Variants in VPS13C observed in about 807,000 individuals in gnomAD.
The protein encoded by VPS13C is intermembrane lipid transfer protein VPS13C.
Under a neutral mutation model 456.8 loss-of-function variants are expected in VPS13C, and 358 were observed. The ratio of observed to expected loss-of-function variants is 0.78; its 90% CI spans 0.72 to 0.86. The LOEUF is 0.86. VPS13C is among the 40% of genes least tolerant of loss of function. The probability of loss-of-function intolerance (pLI) is 0.00; values close to 1 mark genes in which losing one functional copy is unlikely to be tolerated. For missense variants in VPS13C, 4,818 were observed against 4,385.4 expected (o/e 1.10, Z -2.79); for synonymous variants, 1,578 against 1,486.7 (o/e 1.06, Z -1.41).
chr15:61,965,282 C>T (rs150058265), intron 30 of VPS13C, among the ~76,000 whole-genome samples: 5 of 151,870 alleles, frequency 3.3e-5, no homozygotes, highest in African/African-American at 7.2e-5. Context: ...AGGTGGCATC[C>T]GTGAAATTTA....
intron 14 of VPS13C, 60 bp downstream of exon 14, chr15:62,008,593 TGA>T (rs1371535597): frequency 3.3e-6 from 4 of 1,214,344 alleles, no homozygotes; most frequent in Non-Finnish European, 4.5e-6. Context: ...TGCTTAACTC[TGA>T]GAGTAACTAA....
rs548831455 is a variant in VPS13C, at chr15:61,910,191, T to G, written c.8830A>C (p.Ser2944Arg). The G allele has an allele frequency of 7.1e-7, 1 of 1,405,852 alleles. No individual in the cohort carries two copies. The highest frequency in any genetic ancestry group is 1.5e-5 in the African/African-American group (1 of 68,310). The allele number at this position is 1,405,852 out of a possible 1,614,324, so 87.1% of individuals were successfully genotyped here. Residue 2944 changes from serine to arginine, a missense_variant, in exon 64 of 85, where the codon AGC (serine) becomes CGC (arginine). By Grantham distance (110) the Ser-to-Arg change is moderately radical. Around this residue, in one of 3 missense-constraint regions of VPS13C, gnomAD observed 4,552 missense variants for 4,130.6 expected, o/e 1.10. Transcript: ENST00000644861. ...TGAAAACTTACCAGATCTTCTAAGC[T>G]CAATAAAGTGCCATTATCCTGTCGG... ...YNRQDNGTLL[S>R]LEDLNGGILV...
chr15:61,918,326 A>C, intron 58 of VPS13C, 69 bp from the exon 59 acceptor site: 1 of 1,352,298 alleles, frequency 7.4e-7, no homozygotes, highest in Non-Finnish European at 9.9e-7. Context: ...TGAGAGCCAC[A>C]AACAAATACT....
intron 18 of VPS13C, among the ~76,000 whole-genome samples, chr15:61,985,705 T>C (rs926482074): frequency 6.6e-6 from 1 of 152,210 alleles, no homozygotes; most frequent in African/African-American, 2.4e-5. Flanking sequence ...GAACATCTGC[T>C]TGATTTCTGT....
chr15:61,905,476 C>T (rs1266674239), intron 66 of VPS13C, among the ~76,000 whole-genome samples: 3 of 152,060 alleles, frequency 2.0e-5, no homozygotes, highest in African/African-American at 7.2e-5. Context: ...CATTTACTGA[C>T]ATAACTGATG....
intron 66 of VPS13C, among the ~76,000 whole-genome samples, chr15:61,895,273 A>G (rs560038906): frequency 1.3e-5 from 2 of 152,274 alleles, no homozygotes; most frequent in South Asian, 2.1e-4. Flanking sequence ...AAGATTTCAA[A>G]TAAACAACCT....
chr15:62,039,411 A>G (rs1205883430), intron 3 of VPS13C, among the ~76,000 whole-genome samples: 1 of 152,134 alleles, frequency 6.6e-6, no homozygotes, highest in Non-Finnish European at 1.5e-5. Flanking sequence ...AATATGCATA[A>G]TAGCCTTTAC....
In VPS13C at chr15:61,934,260, C is replaced by G; in HGVS notation, c.5827G>C (p.Glu1943Gln). Reference protein sequence around the residue: ...IVSLQFDFHFESLSIILYNND... With the variant: ...IVSLQFDFHFQSLSIILYNND... ...TTATAAAGGATAATGGAAAGAGATTCAAAGTGAAAGTCAAATTGGAGACTG... is the reference window on the plus strand; with the variant it reads ...TTATAAAGGATAATGGAAAGAGATTGAAAGTGAAAGTCAAATTGGAGACTG... Residue 1943 changes from glutamate (E) to glutamine (Q), a missense_variant, in exon 49 of 85, where the codon GAA becomes CAA. Physicochemically the swap from Glu to Gln is conservative, Grantham distance 29 (BLOSUM62 2). This residue lies in a region of VPS13C where 4,552 missense variants were observed against 4,130.6 expected (regional missense o/e 1.10). Coordinates refer to ENST00000644861, the MANE Select transcript of VPS13C (RefSeq NM_020821.3). 1 of 1,597,536 alleles carries G rather than the reference C, an allele frequency of 6.3e-7. No homozygotes were observed. Among genetic ancestry groups the G allele is most frequent in the Non-Finnish European group, 8.5e-7 (1 of 1,170,932 alleles).
intron 1 of VPS13C, among the ~76,000 whole-genome samples, chr15:62,051,922 G>C (rs2048633581): frequency 6.6e-6 from 1 of 152,062 alleles, no homozygotes; most frequent in African/African-American, 2.4e-5. Context: ...AGAACTATTT[G>C]GGACCATAAA....
chr15:61,921,569 C>T (rs966143032), intron 55 of VPS13C, among the ~76,000 whole-genome samples: 13 of 151,872 alleles, frequency 8.6e-5, no homozygotes, highest in Admixed American at 6.6e-4. Context: ...ATTAAAAATT[C>T]ATTTAAAAAT....
intron 15 of VPS13C, among the ~76,000 whole-genome samples, chr15:62,002,304 G>C (rs1248525315): frequency 6.6e-6 from 1 of 152,180 alleles, no homozygotes; most frequent in Admixed American, 6.5e-5. Context: ...TTTTTTGGCA[G>C]CATAAATGTC....
intron 45 of VPS13C, among the ~76,000 whole-genome samples, chr15:61,943,154 G>A (rs889976782): frequency 9.9e-5 from 15 of 152,186 alleles, no homozygotes; most frequent in African/African-American, 3.4e-4. Flanking sequence ...CCATGCTCAT[G>A]GATTACAAGA....
At chr15:61,884,309 A>G in intron 67 of VPS13C, 40 bp from the exon 68 acceptor site, 1 of 1,585,004 alleles carries the variant, frequency 6.3e-7, no homozygotes. Context: ...AGCAATATGT[A>G]TTTAGGTCTG....
intron 18 of VPS13C, among the ~76,000 whole-genome samples, chr15:61,987,372 C>T (rs569342865): frequency 1.3e-5 from 2 of 152,274 alleles, no homozygotes; most frequent in Middle Eastern, 3.4e-3. Flanking sequence ...CAGTTCCACA[C>T]GGCTGGGGAG....
At chr15:61,952,881 T>TA (rs895144442) in intron 38 of VPS13C, among the ~76,000 whole-genome samples, 21 of 149,146 alleles carry the variant, frequency 1.4e-4, no homozygotes, top group South Asian at 4.3e-4. Context: ...ACTGACTAAT[T>TA]AAAAAAAAAA....
At chr15:61,856,468 C>A in intron 82 of VPS13C, 59 bp from the exon 83 acceptor site, 1 of 1,593,148 alleles carries the variant, frequency 6.3e-7, no homozygotes, top group South Asian at 1.1e-5. Context: ...TTATTCTTGC[C>A]AATATTTCAC....
chr15:61,879,796 TA>T (rs1895718674), intron 73 of VPS13C, among the ~76,000 whole-genome samples: 1 of 152,078 alleles, frequency 6.6e-6, no homozygotes, highest in South Asian at 2.1e-4. Context: ...ACCTATCACA[TA>T]AAACAATATC....
At chr15:62,005,399 G>A (rs1160791503) in intron 15 of VPS13C, among the ~76,000 whole-genome samples, 1 of 151,924 alleles carries the variant, frequency 6.6e-6, no homozygotes, top group African/African-American at 2.4e-5. Flanking sequence ...TTTATTTTGA[G>A]CCTATTTTTG....
Position 61,878,620 on chromosome 15 carries a change from C to A in VPS13C, c.10129G>T (p.Asp3377Tyr). 6.2e-7 allele frequency: 1 copy of A among 1,608,890 alleles called. No homozygotes were observed. The highest frequency in any genetic ancestry group is 1.1e-5 in the South Asian group (1 of 90,432). ...CAGAAGTCTTACTTGAATATAAGGT[C>A]ATCCACATCAGTCAGAGTAGCACCT... The part of the protein sequence containing the change: ...SIGATLTDVD[D>Y]LIFKLAYYEI... Residue 3377 changes from aspartate (D) to tyrosine (Y), a missense_variant, in exon 74 of 85, where the codon GAC (aspartate) becomes TAC (tyrosine). This residue lies in a region of VPS13C where 4,552 missense variants were observed against 4,130.6 expected (regional missense o/e 1.10). Coordinates refer to ENST00000644861, the MANE Select transcript of VPS13C (RefSeq NM_020821.3).
Sources: allele counts gnomAD v4.1 joint callset (sites outside exome capture counted in the v4.1 genomes callset), GRCh38; gene constraint gnomAD v4.1.1; regional missense constraint gnomAD v4.1.1; transcripts MANE v1.5; gene names NCBI Gene and HGNC (gene_info 2026-07-23, HGNC 2026-07-21).